The following PRDM16 variants were observed in gnomAD, a reference collection of about 807,000 sequenced individuals.
PRDM16 encodes the protein PR/SET domain 16.
PRDM16 carries 23 observed loss-of-function variants against 110.6 expected under a neutral mutation model. The ratio of observed to expected loss-of-function variants is 0.21; its 90% CI spans 0.15 to 0.29. The LOEUF (loss-of-function observed/expected upper bound fraction) is 0.29, where lower values mean the gene tolerates loss of function less well. PRDM16 is among the 10% of genes least tolerant of loss of function. The pLI is 1.00. For synonymous variants in PRDM16, 799 were observed against 781.8 expected, an observed-to-expected ratio of 1.02 and a Z score of -0.37; for missense variants, 1,615 against 1,794.3, an observed-to-expected ratio of 0.90 and a Z score of 1.81.
Position 3,209,889 on chromosome 1 carries a change from G to A in PRDM16, c.387+23415G>A, listed in dbSNP as rs368284196. Among the ~76,000 whole-genome samples the A allele has an allele frequency of 3.3e-5, 5 of 152,288 alleles. No homozygotes were observed. Among genetic ancestry groups the A allele is most frequent in the Admixed American group, 1.3e-4 (2 of 15,294 alleles). On this transcript the variant is annotated intron_variant, in intron 2 of 16. Coordinates refer to ENST00000270722, the MANE Select transcript of PRDM16 (RefSeq NM_022114.4). This position sits in a 1 kb window ranked among gnomAD's most constrained non-coding sequence, Gnocchi z 4.6. ...ATTTGCCTCCTGATCTAAGGTTAAC[G>A]GGGACTTCCAAAAGGTGCACCTGTG... is the stretch of plus-strand genomic sequence containing the variant.
chr1:3,406,298 G>A (rs1416646148), intron 8 of PRDM16, among the ~76,000 whole-genome samples: 2 of 152,142 alleles, frequency 1.3e-5, no homozygotes, highest in Non-Finnish European at 2.9e-5. Flanking sequence ...TGTGGGAGCT[G>A]AGACTGCCTG....
At chr1:3,117,871 A>G (rs1221156177) in intron 1 of PRDM16, among the ~76,000 whole-genome samples, 1 of 152,124 alleles carries the variant, frequency 6.6e-6, no homozygotes, top group Non-Finnish European at 1.5e-5. Context: ...TGCAGGACAA[A>G]GGCTCCAGGT....
chr1:3,169,732 G>A (rs1264192548), intron 1 of PRDM16, among the ~76,000 whole-genome samples: 4 of 152,204 alleles, frequency 2.6e-5, no homozygotes, highest in Non-Finnish European at 4.4e-5. Flanking sequence ...GCTCCTGTAC[G>A]CCATCAGGAT....
chr1:3,175,276 C>T lies in PRDM16; in HGVS notation c.38-10849C>T, dbSNP rs1422626389. ...CCCTGCCGCTCCAGGAGCCCTCCCACTGAAGAAGGGCCTTCTGTTCACCAG... is the reference window on the plus strand; with the variant it reads ...CCCTGCCGCTCCAGGAGCCCTCCCATTGAAGAAGGGCCTTCTGTTCACCAG... On this transcript the variant is annotated intron_variant, in intron 1 of 16. Transcript: ENST00000270722. This position sits in a 1 kb window ranked among gnomAD's most constrained non-coding sequence, Gnocchi z 4.8. Among the ~76,000 whole-genome samples the T allele has an allele frequency of 1.3e-5, 2 of 152,222 alleles. No individual in the cohort carries two copies. Among genetic ancestry groups the T allele is most frequent in the East Asian group, 3.8e-4 (2 of 5,196 alleles).
chr1:3,331,501 C>A (rs1557614473), intron 3 of PRDM16, among the ~76,000 whole-genome samples: 1 of 152,216 alleles, frequency 6.6e-6, no homozygotes, highest in Non-Finnish European at 1.5e-5. Context: ...CCAGGCTCCA[C>A]TTCCAGGCTG....
At chr1:3,241,660 G>T (rs971466947) in intron 2 of PRDM16, among the ~76,000 whole-genome samples, 2 of 152,262 alleles carry the variant, frequency 1.3e-5, no homozygotes, top group African/African-American at 2.4e-5. Flanking sequence ...GTCAGACTCC[G>T]CCAGAAAGGC....
chr1:3,367,143 A>G (rs1642830334), intron 3 of PRDM16, among the ~76,000 whole-genome samples: 1 of 152,078 alleles, frequency 6.6e-6, no homozygotes, highest in Non-Finnish European at 1.5e-5. Flanking sequence ...GTGTTGGACC[A>G]CTGTAATTTC....
At chr1:3,373,344 G>A (rs552347272) in intron 3 of PRDM16, among the ~76,000 whole-genome samples, 45 of 152,166 alleles carry the variant, frequency 3.0e-4, no homozygotes, top group Non-Finnish European at 4.0e-4. Context: ...TGAGAGCCCC[G>A]CCCCAGCGTG....
At chr1:3,086,492 TCTGGCCTCCTCCCTCCGCTA>T (rs1280002104) in intron 1 of PRDM16, among the ~76,000 whole-genome samples, 1 of 152,074 alleles carries the variant, frequency 6.6e-6, no homozygotes, top group Non-Finnish European at 1.5e-5. Flanking sequence ...TCCCTTTGCT[TCTGGCCTCCTCCCTCCGCTA>T]CTGGCCTCCT....
chr1:3,349,301 GC>G (rs1642429565), intron 3 of PRDM16, among the ~76,000 whole-genome samples: 1 of 152,310 alleles, frequency 6.6e-6, no homozygotes, highest in East Asian at 1.9e-4. Context: ...TGTGGACGGG[GC>G]CGCACCGGCA....
intron 3 of PRDM16, among the ~76,000 whole-genome samples, chr1:3,313,890 G>A (rs547452490): frequency 2.6e-5 from 4 of 152,390 alleles, no homozygotes; most frequent in African/African-American, 7.2e-5. Context: ...TAATAGGAGC[G>A]AATGTGAACA....
At chr1:3,130,222 G>T (rs910258761) in intron 1 of PRDM16, among the ~76,000 whole-genome samples, 2 of 152,216 alleles carry the variant, frequency 1.3e-5, no homozygotes, top group African/African-American at 2.4e-5. Flanking sequence ...GCCAGACCTG[G>T]AGGCCGACTG....
intron 2 of PRDM16, among the ~76,000 whole-genome samples, chr1:3,193,718 TA>T (rs1227335515): frequency 6.6e-6 from 1 of 152,080 alleles, no homozygotes; most frequent in Admixed American, 6.5e-5. Context: ...TAGGAAAATG[TA>T]AGAGTGAGTG....
At chr1:3,101,376 G>C (rs577665278) in intron 1 of PRDM16, among the ~76,000 whole-genome samples, 1 of 152,220 alleles carries the variant, frequency 6.6e-6, no homozygotes, top group Non-Finnish European at 1.5e-5. Context: ...ATAAATCTTC[G>C]CGCTGTCACT....
intron 16 of PRDM16, among the ~76,000 whole-genome samples, chr1:3,433,166 C>T (rs575323252): frequency 6.6e-6 from 1 of 152,354 alleles, no homozygotes; most frequent in South Asian, 2.1e-4. Context: ...GGGAGCACCC[C>T]AAAGCAGCCA....
chr1:3,182,065 C>G (rs72846846), intron 1 of PRDM16, among the ~76,000 whole-genome samples: 1 of 152,222 alleles, frequency 6.6e-6, no homozygotes, highest in Non-Finnish European at 1.5e-5. Flanking sequence ...CACATTCACA[C>G]GCACTCTGGG....
At chr1:3,118,199 ACACG>A (rs1395341318) in intron 1 of PRDM16, among the ~76,000 whole-genome samples, 1 of 151,716 alleles carries the variant, frequency 6.6e-6, no homozygotes, top group East Asian at 2.0e-4. Flanking sequence ...ATGCATGTAC[ACACG>A]CACACACGCA....
At chr1:3,198,167 A>G (rs1474490664) in intron 2 of PRDM16, among the ~76,000 whole-genome samples, 2 of 152,108 alleles carry the variant, frequency 1.3e-5, no homozygotes, top group African/African-American at 2.4e-5. Flanking sequence ...CGGGCACTCC[A>G]TGCGTTCTCT....
chr1:3,337,621 G>A (rs781140545), intron 3 of PRDM16, among the ~76,000 whole-genome samples: 3 of 152,322 alleles, frequency 2.0e-5, no homozygotes, highest in Admixed American at 6.5e-5. Context: ...TGGCCACTGC[G>A]GGGCCAGCCC....
Sources: allele counts gnomAD v4.1 joint callset (sites outside exome capture counted in the v4.1 genomes callset), GRCh38; gene constraint gnomAD v4.1.1; non-coding constraint Gnocchi (gnomAD v3.1); transcripts MANE v1.5; gene names NCBI Gene and HGNC (gene_info 2026-07-23, HGNC 2026-07-21).